Variants in PDE8B observed in about 807,000 individuals in gnomAD.
PDE8B encodes phosphodiesterase 8B.
In PDE8B, 26 loss-of-function variants were observed where a neutral mutation model predicts 101.3. The ratio of observed to expected loss-of-function variants is 0.26; its 90% CI spans 0.19 to 0.36. The LOEUF is 0.36. Among genes scored for constraint, PDE8B ranks in the 10% least tolerant of loss-of-function variants. PDE8B has a pLI of 1.00. For missense variants in PDE8B, 810 were observed against 1,163.1 expected, an observed-to-expected ratio of 0.70 and a Z score of 4.42; for synonymous variants, 424 against 429.3, an observed-to-expected ratio of 0.99 and a Z score of 0.15.
At chr5:77,344,392 G>A (rs1251679202) in intron 6 of PDE8B, among the ~76,000 whole-genome samples, 2 of 152,172 alleles carry the variant, frequency 1.3e-5, no homozygotes, top group Admixed American at 1.3e-4. Flanking sequence ...TTGAAATATC[G>A]TTATGAGTTG....
At chr5:77,100,957 TTTTTTTCC>T in the PDE8B span, among the ~76,000 whole-genome samples, 1 of 147,888 alleles carries the variant, frequency 6.8e-6, no homozygotes, top group Non-Finnish European at 1.5e-5. Context: ...ATCTAAAAAT[TTTTTTTCC>T]TTTTTTTTTT....
chr5:77,349,485 G>T lies in PDE8B; in HGVS notation c.943G>T (p.Ala315Ser), dbSNP rs769265994. Residue 315 changes from alanine (A) to serine (S), a missense_variant, in exon 8 of 22, where the codon GCT (alanine) becomes TCT (serine). Physicochemically the swap from Ala to Ser is moderately conservative, Grantham distance 99. Coordinates refer to ENST00000264917, the MANE Select transcript of PDE8B (RefSeq NM_003719.5). ...AGGTGAGCTCCTGGGAAAAGAACTC[G>T]CTGATCTGCCCAAAAGCGATAAGAA... ...HKGELLGKELADLPKSDKNRA... is the reference protein window; with the variant it reads ...HKGELLGKELSDLPKSDKNRA... 1.9e-6 allele frequency: 3 copies of T among 1,614,106 alleles called. No individual in the cohort carries two copies. Among genetic ancestry groups the T allele is most frequent in the Non-Finnish European group, 2.5e-6 (3 of 1,180,008 alleles).
chr5:77,296,357 G>T (rs1768567808), intron 1 of PDE8B, among the ~76,000 whole-genome samples: 1 of 151,942 alleles, frequency 6.6e-6, no homozygotes, highest in South Asian at 2.1e-4. Flanking sequence ...AACTTCCTGG[G>T]CTCAAGCAAT....
rs183469451 is a variant in PDE8B at position 77,307,754 on chromosome 5, C to T, written c.340-4240C>T. 1.7e-4 allele frequency among the ~76,000 whole-genome samples: 26 copies of T among 152,306 alleles called. No individual in the cohort carries two copies. In the East Asian group the frequency reaches 5.0e-3, roughly 29 times the overall value. ...ACGCTGTAGTTCAGCAGTCCTTCCT[C>T]ATTAGGCTACTGTGGAAACACATGT... On this transcript the variant is annotated intron_variant, in intron 1 of 21. Transcript: ENST00000264917.
chr5:77,340,878 A>G (rs1421780320), intron 6 of PDE8B, among the ~76,000 whole-genome samples: 1 of 152,024 alleles, frequency 6.6e-6, no homozygotes, highest in Non-Finnish European at 1.5e-5. Context: ...TGTAATATTT[A>G]CCTTTTCTCT....
At chr5:77,122,718 T>A in the PDE8B span, among the ~76,000 whole-genome samples, 1 of 152,220 alleles carries the variant, frequency 6.6e-6, no homozygotes, top group Non-Finnish European at 1.5e-5. Context: ...TACCTGAGCC[T>A]GAGCTGACAC....
At chr5:77,411,475 G>A (rs142748441) in intron 14 of PDE8B, among the ~76,000 whole-genome samples, 4 of 152,252 alleles carry the variant, frequency 2.6e-5, no homozygotes, top group South Asian at 2.1e-4. Flanking sequence ...AGTTCTCCAC[G>A]TTCTGGGGCT....
intron 1 of PDE8B, among the ~76,000 whole-genome samples, chr5:77,306,061 C>T (rs935731878): frequency 2.0e-5 from 3 of 152,142 alleles, no homozygotes; most frequent in Non-Finnish European, 4.4e-5. Flanking sequence ...CATGCACACG[C>T]ATGCATACCC....
rs566859073 is a variant in PDE8B, at chr5:77,365,002, G to A, written c.1167+11596G>A. On this transcript the variant is annotated intron_variant, in intron 10 of 21. Transcript: ENST00000264917. ...GAAACAAAAGGCAGATTCATAAGAA[G>A]CCAGTTGTAATCCATAGGGAACACT... Among the ~76,000 whole-genome samples, 25 of 152,302 alleles carry A rather than the reference G, an allele frequency of 1.6e-4. No homozygotes were observed. In the South Asian group the frequency reaches 5.2e-3, roughly 32 times the overall value.
intron 1 of PDE8B, among the ~76,000 whole-genome samples, chr5:77,275,118 G>C (rs1763587599): frequency 6.6e-6 from 1 of 152,132 alleles, no homozygotes; most frequent in African/African-American, 2.4e-5. Flanking sequence ...CCAGCTACTT[G>C]GGAGGCTGAA....
the PDE8B span, among the ~76,000 whole-genome samples, chr5:77,175,862 T>C: frequency 6.6e-6 from 1 of 152,192 alleles, no homozygotes; most frequent in Non-Finnish European, 1.5e-5. Flanking sequence ...TATCTATATA[T>C]ATAGATACGC....
the PDE8B span, among the ~76,000 whole-genome samples, chr5:77,123,358 CCCCACCG>C: frequency 8.2e-5 from 12 of 146,152 alleles, no homozygotes; most frequent in African/African-American, 2.7e-4. Flanking sequence ...TGAATTCCTC[CCCCACCG>C]CCCCCCGCTT....
chr5:77,133,237 G>A, the PDE8B span, among the ~76,000 whole-genome samples: 1 of 152,344 alleles, frequency 6.6e-6, no homozygotes. Context: ...CAAACAGGCT[G>A]ATGACTAGCC....
intron 1 of PDE8B, among the ~76,000 whole-genome samples, chr5:77,296,889 G>A (rs562376101): frequency 4.2e-4 from 64 of 152,218 alleles, no homozygotes; most frequent in Non-Finnish European, 6.5e-4. Context: ...TGATACTGGT[G>A]TTCTCCAGAG....
At chr5:77,354,973 C>T (rs1781816328) in intron 10 of PDE8B, among the ~76,000 whole-genome samples, 2 of 152,254 alleles carry the variant, frequency 1.3e-5, no homozygotes, top group Admixed American at 1.3e-4. Context: ...TGCTAAACTG[C>T]CCTCTCCCCT....
At chr5:77,097,602 G>C in the PDE8B span, among the ~76,000 whole-genome samples, 1 of 142,022 alleles carries the variant, frequency 7.0e-6, no homozygotes, top group South Asian at 2.4e-4. Flanking sequence ...ATGTTTGCAG[G>C]GTATCATCCT....
intron 1 of PDE8B, among the ~76,000 whole-genome samples, chr5:77,247,906 C>A (rs1438633579): frequency 6.6e-6 from 1 of 152,152 alleles, no homozygotes; most frequent in African/African-American, 2.4e-5. Context: ...AGTAGGTATT[C>A]AGTAAATGTT....
chr5:77,380,789 A>C (rs577155842), intron 10 of PDE8B, among the ~76,000 whole-genome samples: 36 of 152,352 alleles, frequency 2.4e-4, no homozygotes, highest in South Asian at 2.1e-4. Context: ...TATAAATACA[A>C]TAAGGGGAAA....
At chr5:77,115,486 A>T in the PDE8B span, among the ~76,000 whole-genome samples, 2 of 152,268 alleles carry the variant, frequency 1.3e-5, no homozygotes, top group South Asian at 4.1e-4. Context: ...GAAGGACTTG[A>T]CACAATTGAA....
Sources: gnomAD v4.1 joint callset for allele counts (sites outside exome capture counted in the v4.1 genomes callset) on GRCh38, gnomAD v4.1.1 for gene constraint, MANE v1.5 for transcripts, NCBI Gene and HGNC (gene_info 2026-07-23, HGNC 2026-07-21) for gene names.